SDK1: variants seen among roughly 807,000 people sequenced by gnomAD.
The protein encoded by SDK1 is protein sidekick-1.
In SDK1, 157 loss-of-function variants were observed where a neutral mutation model predicts 245.5. The ratio of observed to expected loss-of-function variants is 0.64; its 90% confidence interval spans 0.56 to 0.73. The LOEUF is 0.73. Among genes scored for constraint, SDK1 ranks in the 30% least tolerant of loss-of-function variants. SDK1 has a pLI of 0.00. For missense variants in SDK1, 3,583 were observed against 3,002.3 expected (o/e 1.19, Z -4.52); for synonymous variants, 1,647 against 1,278.5 (o/e 1.29, Z -6.15).
chr7:3,319,571 A>G lies in SDK1; in HGVS notation c.298+17687A>G, dbSNP rs78174145. On this transcript the variant is annotated intron_variant, in intron 1 of 44. Transcript: ENST00000404826. Reference sequence around the variant, plus strand: ...GGCTTTCATTACTTACATGATACATATATGTACTCTTTGATAATCTTATGT... The same window carrying G: ...GGCTTTCATTACTTACATGATACATGTATGTACTCTTTGATAATCTTATGT... Among the ~76,000 whole-genome samples the G allele has an allele frequency of 8.9e-3, 1,354 of 152,168 alleles. 18 individuals are homozygous for G. The highest frequency in any genetic ancestry group is 0.031 in the African/African-American group (1,282 of 41,500).
At chr7:4,101,180 G>A (rs1198744723) in intron 22 of SDK1, among the ~76,000 whole-genome samples, 4 of 146,736 alleles carry the variant, frequency 2.7e-5, no homozygotes, top group African/African-American at 1.0e-4. Flanking sequence ...ACGGAGTCTC[G>A]CTCTGTCACC....
At chr7:4,062,737 C>T (rs1168285212) in intron 19 of SDK1, among the ~76,000 whole-genome samples, 7 of 152,162 alleles carry the variant, frequency 4.6e-5, no homozygotes, top group East Asian at 3.9e-4. Flanking sequence ...TCCAACAGCA[C>T]GTCAGAAATA....
intron 4 of SDK1, among the ~76,000 whole-genome samples, chr7:3,746,467 A>T (rs1030985516): frequency 2.0e-5 from 3 of 152,192 alleles, no homozygotes; most frequent in African/African-American, 7.2e-5. Flanking sequence ...TGTAATGTGC[A>T]CTGCTTGCTG....
intron 1 of SDK1, among the ~76,000 whole-genome samples, chr7:3,472,654 T>C (rs1176598780): frequency 6.6e-6 from 1 of 152,216 alleles, no homozygotes; most frequent in African/African-American, 2.4e-5. Context: ...TTAAAACAAA[T>C]CAGTATCTCA....
intron 1 of SDK1, among the ~76,000 whole-genome samples, chr7:3,562,774 TG>T (rs1315774174): frequency 1.3e-5 from 2 of 152,146 alleles, no homozygotes; most frequent in Non-Finnish European, 2.9e-5. Context: ...CCAGCCCAAT[TG>T]TCACTCACAC....
At chr7:3,872,415 T>C (rs547669329) in intron 5 of SDK1, among the ~76,000 whole-genome samples, 1 of 152,106 alleles carries the variant, frequency 6.6e-6, no homozygotes, top group Non-Finnish European at 1.5e-5. Flanking sequence ...AGTTTTATTT[T>C]ATTTTGTTTT....
rs575944413 is a variant in SDK1, at chr7:4,096,925, G to C, written c.3325-13738G>C. Among the ~76,000 whole-genome samples the C allele has an allele frequency of 2.0e-3, 304 of 152,298 alleles. 3 individuals are homozygous for C. Among genetic ancestry groups the C allele is most frequent in the Middle Eastern group, 3.4e-3 (1 of 294 alleles). ...CTGTAGCCCAGGAAGAGGCAGCCTGGGCTCAAACACCCACAGTGGCAGTGG... is the reference window on the plus strand; with the variant it reads ...CTGTAGCCCAGGAAGAGGCAGCCTGCGCTCAAACACCCACAGTGGCAGTGG... On this transcript the variant is annotated intron_variant, in intron 22 of 44. Transcript: ENST00000404826.
chr7:3,456,319 T>C (rs1292054981), intron 1 of SDK1, among the ~76,000 whole-genome samples: 4 of 152,196 alleles, frequency 2.6e-5, no homozygotes, highest in African/African-American at 9.7e-5. Context: ...CCAGCAACTT[T>C]CTCCTCTGCT....
intron 17 of SDK1, among the ~76,000 whole-genome samples, chr7:4,029,289 G>A (rs1052522852): frequency 7.2e-6 from 1 of 138,818 alleles, no homozygotes; most frequent in Non-Finnish European, 1.5e-5. Flanking sequence ...TCAGCTCACT[G>A]CATCATCCAC....
At chr7:4,071,649 G>GT (rs1780264047) in intron 20 of SDK1, among the ~76,000 whole-genome samples, 1 of 152,220 alleles carries the variant, frequency 6.6e-6, no homozygotes, top group Non-Finnish European at 1.5e-5. Context: ...AAACAAACTA[G>GT]TGGGAGGAGG....
At chr7:4,246,311 C>A (rs779654975) in intron 44 of SDK1, among the ~76,000 whole-genome samples, 1 of 152,092 alleles carries the variant, frequency 6.6e-6, no homozygotes, top group African/African-American at 2.4e-5. Context: ...CATGTAGTCC[C>A]GGGGTAACTG....
intron 1 of SDK1, among the ~76,000 whole-genome samples, chr7:3,450,220 G>C (rs939042946): frequency 8.5e-5 from 13 of 152,218 alleles, no homozygotes; most frequent in South Asian, 2.1e-4. Flanking sequence ...ATGATGTATA[G>C]AGTTTGGTAA....
intron 5 of SDK1, among the ~76,000 whole-genome samples, chr7:3,892,875 A>G (rs187031189): frequency 1.2e-3 from 180 of 152,260 alleles, no homozygotes; most frequent in African/African-American, 4.0e-3. Context: ...TTCCTCTTCA[A>G]TATTAACCAA....
At chr7:3,688,838 A>G (rs1441989872) in intron 4 of SDK1, among the ~76,000 whole-genome samples, 6 of 152,110 alleles carry the variant, frequency 3.9e-5, no homozygotes, top group African/African-American at 1.4e-4. Flanking sequence ...CTCATGGCCA[A>G]TCCATGTCCT....
At chr7:3,347,217 C>T (rs945290970) in intron 1 of SDK1, among the ~76,000 whole-genome samples, 2 of 151,922 alleles carry the variant, frequency 1.3e-5, no homozygotes, top group Non-Finnish European at 2.9e-5. Context: ...GGTGCACAAA[C>T]CAGATTTTTT....
chr7:3,477,586 C>T (rs1208995703), intron 1 of SDK1, among the ~76,000 whole-genome samples: 1 of 151,494 alleles, frequency 6.6e-6, no homozygotes, highest in Non-Finnish European at 1.5e-5. Flanking sequence ...GCAGTCATAG[C>T]TCGCTGCAAC....
chr7:4,161,366 G>C (rs765330131), intron 31 of SDK1, among the ~76,000 whole-genome samples: 1 of 152,118 alleles, frequency 6.6e-6, no homozygotes, highest in Non-Finnish European at 1.5e-5. Flanking sequence ...AAGTGACCTG[G>C]CATGATCATG....
At chr7:3,644,636 C>T (rs188135619) in intron 4 of SDK1, among the ~76,000 whole-genome samples, 3 of 151,014 alleles carry the variant, frequency 2.0e-5, no homozygotes, top group Admixed American at 2.0e-4. Flanking sequence ...TGTGGTGGCA[C>T]GAACCTGTAT....
At chr7:3,620,492 G>A (rs1246881466) in intron 2 of SDK1, among the ~76,000 whole-genome samples, 1 of 151,976 alleles carries the variant, frequency 6.6e-6, no homozygotes, top group Non-Finnish European at 1.5e-5. Flanking sequence ...TAGTAGAGAT[G>A]GGGTTTCACC....
Sources: gnomAD v4.1 joint callset for allele counts (sites outside exome capture counted in the v4.1 genomes callset) on GRCh38, gnomAD v4.1.1 for gene constraint, MANE v1.5 for transcripts, NCBI Gene and HGNC (gene_info 2026-07-23, HGNC 2026-07-21) for gene names.